Variants in NDUFAF2 observed in about 807,000 individuals in gnomAD.
NDUFAF2 encodes the protein NADH:ubiquinone oxidoreductase complex assembly factor 2.
Under a neutral mutation model 22.8 loss-of-function variants are expected in NDUFAF2, and 13 were observed. The observed-to-expected ratio is 0.57, with a 90% CI of 0.37 to 0.91. The LOEUF (loss-of-function observed/expected upper bound fraction) is 0.91. Among genes scored for constraint, NDUFAF2 ranks in the 40% least tolerant of loss-of-function variants. The pLI is 0.01. For synonymous variants in NDUFAF2, 53 were observed against 64.2 expected (o/e 0.83, Z 0.84); for missense variants, 162 against 195.2 (o/e 0.83, Z 1.01).
At chr5:61,139,101 T>A (rs1179939132) in intron 3 of NDUFAF2, among the ~76,000 whole-genome samples, 1 of 152,208 alleles carries the variant, frequency 6.6e-6, no homozygotes, top group African/African-American at 2.4e-5. Context: ...GATAAACCCA[T>A]TGTTAAATCA....
chr5:60,949,764 CA>C (rs1303393541), intron 1 of NDUFAF2, among the ~76,000 whole-genome samples: 1 of 152,100 alleles, frequency 6.6e-6, no homozygotes, highest in Admixed American at 6.5e-5. Context: ...AAAAATTTAT[CA>C]CTGATTTGTA....
chr5:61,116,136 G>A (rs1043432632), intron 3 of NDUFAF2: 16 of 152,176 alleles, frequency 1.1e-4, no homozygotes, highest in South Asian at 6.2e-4. Context: ...TCGTCTTTGC[G>A]GACTCTTACC....
intron 3 of NDUFAF2, among the ~76,000 whole-genome samples, chr5:61,124,671 C>T (rs368539555): frequency 4.6e-5 from 7 of 151,994 alleles, no homozygotes; most frequent in Admixed American, 3.3e-4. Flanking sequence ...TGTTCAGTAG[C>T]GATGTAGCTA....
chr5:60,986,712 C>T (rs964928994), intron 1 of NDUFAF2, among the ~76,000 whole-genome samples: 1 of 151,976 alleles, frequency 6.6e-6, no homozygotes, highest in African/African-American at 2.4e-5. Flanking sequence ...GGGCAGATCA[C>T]AGGGTCAGGA....
chr5:61,048,210 G>C (rs116157056), intron 1 of NDUFAF2, among the ~76,000 whole-genome samples: 2,239 of 152,200 alleles, frequency 0.015, 58 homozygotes, highest in African/African-American at 0.051. Flanking sequence ...ACAATTTGGA[G>C]AGTTTTGAAA....
intron 1 of NDUFAF2, among the ~76,000 whole-genome samples, chr5:60,956,455 C>T (rs1393594221): frequency 6.6e-6 from 1 of 152,108 alleles, no homozygotes; most frequent in African/African-American, 2.4e-5. Flanking sequence ...GTCTGTTTTT[C>T]ACTCTTGAAT....
At chr5:60,995,097 T>C (rs1201516535) in intron 1 of NDUFAF2, among the ~76,000 whole-genome samples, 1 of 152,216 alleles carries the variant, frequency 6.6e-6, no homozygotes, top group Admixed American at 6.5e-5. Flanking sequence ...CTCTGAGTTA[T>C]CTTGCATTTC....
intron 3 of NDUFAF2, among the ~76,000 whole-genome samples, chr5:61,100,462 G>A (rs1336521706): frequency 1.3e-5 from 2 of 151,820 alleles, no homozygotes; most frequent in South Asian, 4.2e-4. Flanking sequence ...TCCAAAATGA[G>A]CCCTCTTTTG....
At chr5:61,031,680 A>G (rs1751729622) in intron 1 of NDUFAF2, among the ~76,000 whole-genome samples, 1 of 152,210 alleles carries the variant, frequency 6.6e-6, no homozygotes, top group Non-Finnish European at 1.5e-5. Context: ...GTGCTGCAGT[A>G]AACATACGTG....
At chr5:60,995,468 G>A (rs192161082) in intron 1 of NDUFAF2, among the ~76,000 whole-genome samples, 1 of 152,252 alleles carries the variant, frequency 6.6e-6, no homozygotes, top group East Asian at 1.9e-4. Context: ...CATGATCTGG[G>A]AGAATTCTCT....
chr5:60,972,803 T>C (rs1452790504), intron 1 of NDUFAF2, among the ~76,000 whole-genome samples: 1 of 150,986 alleles, frequency 6.6e-6, no homozygotes, highest in East Asian at 1.9e-4. Context: ...TCTTTTTTTT[T>C]TTTGCTATGT....
intron 1 of NDUFAF2, among the ~76,000 whole-genome samples, chr5:61,000,354 T>C (rs1228249173): frequency 6.6e-6 from 1 of 152,244 alleles, no homozygotes; most frequent in East Asian, 1.9e-4. Flanking sequence ...CCAGCCCCCA[T>C]CAGATTTACC....
intron 3 of NDUFAF2, among the ~76,000 whole-genome samples, chr5:61,149,525 G>A (rs554476991): frequency 6.6e-6 from 1 of 152,132 alleles, no homozygotes; most frequent in South Asian, 2.1e-4. Context: ...GGAAGCAACA[G>A]TAGAGGTAGT....
intron 1 of NDUFAF2, among the ~76,000 whole-genome samples, chr5:61,023,281 C>T (rs1282466013): frequency 6.6e-6 from 1 of 151,660 alleles, no homozygotes; most frequent in Admixed American, 6.6e-5. Context: ...CTTTTTTTTG[C>T]ATAACCAGTG....
intron 1 of NDUFAF2, among the ~76,000 whole-genome samples, chr5:60,978,114 C>T (rs949437122): frequency 2.0e-5 from 3 of 152,076 alleles, no homozygotes; most frequent in Non-Finnish European, 4.4e-5. Context: ...TCAGACATTG[C>T]GTTAGAACTC....
At chr5:61,092,831 A>G (rs1266951987) in intron 2 of NDUFAF2, among the ~76,000 whole-genome samples, 2 of 152,170 alleles carry the variant, frequency 1.3e-5, no homozygotes, top group African/African-American at 4.8e-5. Flanking sequence ...CTAAAGGGAC[A>G]GAACTAATAG....
rs567654207 is a variant in NDUFAF2, at chr5:61,061,747, A to G, written c.128-11378A>G. On this transcript the variant is annotated intron_variant, in intron 1 of 3. Transcript: ENST00000296597. ...GACACTCTGAGCATCTGTGCTCTGG[A>G]TCCCAGTGCTGCCTTGGCAGCCTGT... 2.0e-5 allele frequency among the ~76,000 whole-genome samples: 3 copies of G among 152,286 alleles called. No individual in the cohort carries two copies. The East Asian group carries it at 5.8e-4, about 29-fold the overall frequency.
At chr5:60,971,283 TTTC>T (rs1207800834) in intron 1 of NDUFAF2, among the ~76,000 whole-genome samples, 6 of 92,870 alleles carry the variant, frequency 6.5e-5, no homozygotes, top group South Asian at 8.1e-4. Flanking sequence ...TTTTTCTTTC[TTTC>T]TTTTTTTTTT....
At chr5:61,022,585 T>C (rs1210147790) in intron 1 of NDUFAF2, among the ~76,000 whole-genome samples, 1 of 152,212 alleles carries the variant, frequency 6.6e-6, no homozygotes, top group Non-Finnish European at 1.5e-5. Context: ...TGTCCTTTGC[T>C]GGTTGTTTTT....
Sources: gnomAD v4.1 joint callset for allele counts (sites outside exome capture counted in the v4.1 genomes callset) on GRCh38, gnomAD v4.1.1 for gene constraint, MANE v1.5 for transcripts, NCBI Gene and HGNC (gene_info 2026-07-23, HGNC 2026-07-21) for gene names.